SSBP3: variants seen among roughly 807,000 people sequenced by gnomAD.
The protein encoded by SSBP3 is single stranded DNA binding protein 3, also known as single-stranded DNA-binding protein 3.
A neutral mutation model predicts 69.6 loss-of-function variants in SSBP3; 5 were observed. That is an observed-to-expected ratio of 0.07 (90% confidence interval 0.04 to 0.15). The LOEUF (loss-of-function observed/expected upper bound fraction) is 0.15, where lower values mean the gene tolerates loss of function less well. Ranked by LOEUF, SSBP3 falls within the 10% of genes least tolerant of loss-of-function variation. SSBP3 has a pLI of 1.00. For missense variants in SSBP3, 312 were observed against 534.0 expected, an observed-to-expected ratio of 0.58 and a Z score of 4.10; for synonymous variants, 196 against 193.4, an observed-to-expected ratio of 1.01 and a Z score of -0.11.
rs1220619751 is a variant in SSBP3 at position 54,405,937 on chromosome 1, G to A, written c.56+16C>T. The A allele has an allele frequency of 2.4e-6, 3 of 1,253,622 alleles. No homozygotes were observed. The highest frequency in any genetic ancestry group is 3.0e-5 in the Admixed American group (1 of 33,400). The allele number at this position is 1,253,622 out of a possible 1,614,324, so 77.7% of individuals were successfully genotyped here. A position where few individuals can be genotyped will look rare whatever the true frequency, so the allele number is the denominator to read the frequency against. ...CCCGGCGGCGGCGCGGCCGCCACTTGCAAAATAGGGCTTACTTTTCCCGAG... is the reference window on the plus strand; with the variant it reads ...CCCGGCGGCGGCGCGGCCGCCACTTACAAAATAGGGCTTACTTTTCCCGAG... On this transcript the variant is annotated intron_variant, in intron 1 of 17. Transcript: ENST00000610401.
intron 4 of SSBP3, among the ~76,000 whole-genome samples, chr1:54,333,460 C>A (rs1646456076): frequency 6.6e-6 from 1 of 152,210 alleles, no homozygotes; most frequent in African/African-American, 2.4e-5. Flanking sequence ...CTCCGTAAGG[C>A]TGCATGGCCT....
chr1:54,300,326 C>G (rs1033018292), intron 4 of SSBP3, among the ~76,000 whole-genome samples: 1 of 152,102 alleles, frequency 6.6e-6, no homozygotes, highest in African/African-American at 2.4e-5. Flanking sequence ...TCTCAGGAGG[C>G]CAGCAGAAAC....
At chr1:54,304,834 T>C (rs986270653) in intron 4 of SSBP3, among the ~76,000 whole-genome samples, 3 of 152,122 alleles carry the variant, frequency 2.0e-5, no homozygotes, top group Admixed American at 1.3e-4. Context: ...TGTCCTCTGC[T>C]GAGATGAGTT....
At chr1:54,250,816 T>TG (rs964315595) in intron 9 of SSBP3, among the ~76,000 whole-genome samples, 1 of 152,146 alleles carries the variant, frequency 6.6e-6, no homozygotes, top group Non-Finnish European at 1.5e-5. Flanking sequence ...CCCAGAGGGC[T>TG]GGGGGTAAGC....
chr1:54,293,741 T>C (rs1424497013), intron 4 of SSBP3, among the ~76,000 whole-genome samples: 1 of 152,244 alleles, frequency 6.6e-6, no homozygotes, highest in Non-Finnish European at 1.5e-5. Flanking sequence ...CTTATTAAAT[T>C]AGCCAGCTAT....
At chr1:54,396,336 G>A (rs941473437) in intron 4 of SSBP3, among the ~76,000 whole-genome samples, 15 of 151,912 alleles carry the variant, frequency 9.9e-5, no homozygotes, top group East Asian at 1.9e-4. Context: ...CACTTGTGCC[G>A]TGGTCAGAAT....
At chr1:54,322,481 A>G (rs1006914487) in intron 4 of SSBP3, among the ~76,000 whole-genome samples, 1 of 152,024 alleles carries the variant, frequency 6.6e-6, no homozygotes, top group African/African-American at 2.4e-5. Flanking sequence ...TCCGGGATCT[A>G]GGATATAGCT....
chr1:54,287,648 G>A (rs921631678), intron 4 of SSBP3, among the ~76,000 whole-genome samples: 1 of 152,192 alleles, frequency 6.6e-6, no homozygotes, highest in East Asian at 1.9e-4. Flanking sequence ...GGAGTAACCC[G>A]GGTCCCTCTG....
intron 4 of SSBP3, among the ~76,000 whole-genome samples, chr1:54,341,342 T>C (rs1265665845): frequency 3.3e-5 from 5 of 152,188 alleles, no homozygotes; most frequent in Admixed American, 3.3e-4. Context: ...CTTTAATGTG[T>C]TGGGGGCTCC....
At chr1:54,246,239 C>T (rs1644731870) in intron 9 of SSBP3, among the ~76,000 whole-genome samples, 2 of 152,182 alleles carry the variant, frequency 1.3e-5, no homozygotes, top group Admixed American at 6.5e-5. Flanking sequence ...GCCCTTAATG[C>T]TACCGCAGCA....
chr1:54,338,094 G>C (rs562990554), intron 4 of SSBP3, among the ~76,000 whole-genome samples: 179 of 152,260 alleles, frequency 1.2e-3, no homozygotes, highest in Non-Finnish European at 1.8e-3. Context: ...CAACTAAACC[G>C]GAAGTGCTTC....
chr1:54,253,425 C>T (rs557809613), intron 7 of SSBP3, among the ~76,000 whole-genome samples: 13 of 152,034 alleles, frequency 8.6e-5, no homozygotes, highest in Non-Finnish European at 1.9e-4. Flanking sequence ...CTCCTAGGCT[C>T]AAGTGATCCT....
chr1:54,308,086 A>G (rs575636791), intron 4 of SSBP3, among the ~76,000 whole-genome samples: 1 of 152,272 alleles, frequency 6.6e-6, no homozygotes, highest in East Asian at 1.9e-4. Context: ...TATAGAATCC[A>G]TTAAGTCATG....
At chr1:54,232,950 G>A (rs1005679558) in intron 14 of SSBP3, among the ~76,000 whole-genome samples, 3 of 152,126 alleles carry the variant, frequency 2.0e-5, no homozygotes, top group Admixed American at 6.5e-5. Flanking sequence ...CCTCCCAGCC[G>A]CCTGCCTTGG....
intron 4 of SSBP3, among the ~76,000 whole-genome samples, chr1:54,293,420 G>A (rs1473254044): frequency 6.6e-6 from 1 of 152,106 alleles, no homozygotes; most frequent in African/African-American, 2.4e-5. Context: ...CATAGAGGTG[G>A]TCCATCCCCT....
intron 4 of SSBP3, among the ~76,000 whole-genome samples, chr1:54,291,632 G>C (rs1214084420): frequency 6.6e-6 from 1 of 152,210 alleles, no homozygotes; most frequent in Non-Finnish European, 1.5e-5. Flanking sequence ...GCAAGCTGTT[G>C]GCTTTAGTGT....
At chr1:54,397,856 C>T (rs1253673446) in intron 4 of SSBP3, among the ~76,000 whole-genome samples, 1 of 152,166 alleles carries the variant, frequency 6.6e-6, no homozygotes, top group African/African-American at 2.4e-5. Context: ...AGTTAAGAGC[C>T]GTTGCACCAC....
chr1:54,298,610 C>T (rs72665921), intron 4 of SSBP3, among the ~76,000 whole-genome samples: 16,170 of 152,166 alleles, frequency 0.11, 1,093 homozygotes, highest in Non-Finnish European at 0.15. Flanking sequence ...AGCTCTACTT[C>T]ATTCAGATGG....
intron 4 of SSBP3, among the ~76,000 whole-genome samples, chr1:54,380,083 A>G (rs900068269): frequency 2.0e-5 from 3 of 152,148 alleles, no homozygotes; most frequent in Non-Finnish European, 2.9e-5. Context: ...AATGTGGCCA[A>G]TCTCGCCAGG....
Sources: allele counts gnomAD v4.1 joint callset (sites outside exome capture counted in the v4.1 genomes callset), GRCh38; gene constraint gnomAD v4.1.1; transcripts MANE v1.5; gene names NCBI Gene and HGNC (gene_info 2026-07-23, HGNC 2026-07-21).